Variants in HIP1R observed in about 807,000 individuals in gnomAD.
The protein encoded by HIP1R is huntingtin interacting protein 1 related.
A neutral mutation model predicts 144.2 loss-of-function variants in HIP1R; 135 were observed. The observed-to-expected ratio is 0.94, with a 90% CI of 0.81 to 1.08. HIP1R has a LOEUF of 1.08. HIP1R is among the 50% of genes least tolerant of loss of function. HIP1R has a pLI of 0.00. For synonymous variants in HIP1R, 698 were observed against 612.8 expected (o/e 1.14, Z -2.05); for missense variants, 1,462 against 1,432.8 (o/e 1.02, Z -0.33).
At chr12:122,854,819 T>G in intron 8 of HIP1R, 86 bp from the exon 9 acceptor site, 2 of 1,394,624 alleles carry the variant, frequency 1.4e-6, no homozygotes, top group Non-Finnish European at 1.0e-6. Flanking sequence ...ATCTGTGAGT[T>G]TGTAGCATAC....
chr12:122,860,423 G>A lies in HIP1R; in HGVS notation c.2560G>A (p.Gly854Arg), dbSNP rs2033734139. ...LQKEIVESGR[G>R]AATQQEFYAK... ...TGCCCTGTTCTCCCGTCGCCACTAGGGGGCAGCCACGCAGCAGGAATTTTA... is the reference window on the plus strand; with the variant it reads ...TGCCCTGTTCTCCCGTCGCCACTAGAGGGCAGCCACGCAGCAGGAATTTTA... Residue 854 changes from glycine to arginine, a missense_variant and splice_region_variant, in exon 27 of 32, where the codon GGG becomes AGG. Gly to Arg is a moderately radical substitution (Grantham distance 125). This residue lies in a region of HIP1R where 1,112 missense variants were observed against 1,011.7 expected (regional missense o/e 1.10). Coordinates refer to ENST00000253083, the MANE Select transcript of HIP1R (RefSeq NM_003959.3). 1.2e-6 allele frequency: 2 copies of A among 1,613,268 alleles called. No homozygotes were observed. Among genetic ancestry groups the A allele is most frequent in the Non-Finnish European group, 1.7e-6 (2 of 1,180,000 alleles).
intron 7 of HIP1R, chr12:122,853,815 G>T: frequency 2.2e-6 from 1 of 458,882 alleles, no homozygotes; most frequent in Non-Finnish European, 3.8e-6. Context: ...TGCTGAGCTG[G>T]GCTGGGAGCT....
In HIP1R at chr12:122,856,720, A is replaced by AG; in HGVS notation, c.1615dup (p.Glu539GlyfsTer257). ...GCGCGCAGGAGGCCCTGAGCCACAC[A>AG]GAGCAGGTGCATCTGGCTTTGATGA... On this transcript the variant is annotated frameshift_variant, in exon 17 of 32. Transcript: ENST00000253083. LOFTEE classifies it high-confidence loss of function. 1 of 1,572,872 alleles carries AG rather than the reference A, an allele frequency of 6.4e-7. No homozygotes were observed. Among genetic ancestry groups the AG allele is most frequent in the Non-Finnish European group, 8.6e-7 (1 of 1,159,462 alleles).
intron 1 of HIP1R, among the ~76,000 whole-genome samples, chr12:122,842,722 T>C (rs1425780982): frequency 1.8e-4 from 28 of 152,194 alleles, no homozygotes; most frequent in Non-Finnish European, 1.5e-5. Context: ...CCATCTGGAC[T>C]CCACATCAGG....
In HIP1R at chr12:122,860,543, G is replaced by A. The variant is rs2292139; in HGVS notation, c.2660+20G>A. The A allele has an allele frequency of 0.043, 68,208 of 1,585,262 alleles. 2,425 individuals are homozygous for A. Among genetic ancestry groups the A allele is most frequent in the East Asian group, 0.22 (9,894 of 44,740 alleles). ...GCTGGTGTAGGTTGCCCTGGGTGGG[G>A]GGGGGCAGGGGGCTGCTTCCTGCCA... On this transcript the variant is annotated intron_variant, in intron 27 of 31. Coordinates refer to ENST00000253083, the MANE Select transcript of HIP1R (RefSeq NM_003959.3).
intron 1 of HIP1R, among the ~76,000 whole-genome samples, chr12:122,845,203 G>T (rs2033174493): frequency 6.6e-6 from 1 of 152,234 alleles, no homozygotes; most frequent in Admixed American, 6.5e-5. Context: ...GTCAGCAGCA[G>T]ACGGGAGTAG....
At chr12:122,850,810 C>T (rs1277689728) in intron 5 of HIP1R, 25 bp from the exon 6 acceptor site, 6 of 1,593,884 alleles carry the variant, frequency 3.8e-6, no homozygotes, top group East Asian at 2.3e-5. Context: ...GTTCAGTGGC[C>T]GCTGGGTGGG....
At chr12:122,847,806 C>G (rs1433381776) in intron 1 of HIP1R, among the ~76,000 whole-genome samples, 2 of 152,144 alleles carry the variant, frequency 1.3e-5, no homozygotes, top group Non-Finnish European at 2.9e-5. Context: ...GTCCTTGTCC[C>G]CTGACTCCTG....
rs1333733214 is a variant in HIP1R at position 122,835,519 on chromosome 12, G to C, written c.-32G>C. 6 of 1,311,788 alleles carry C rather than the reference G, an allele frequency of 4.6e-6. No individual in the cohort carries two copies. Among genetic ancestry groups the C allele is most frequent in the Non-Finnish European group, 4.9e-6 (5 of 1,023,456 alleles). 81.3% of individuals were successfully genotyped at this position (1,311,788 alleles called of 1,614,324 possible). A position where few individuals can be genotyped will look rare whatever the true frequency, so the allele number is the denominator to read the frequency against. On this transcript the variant is annotated 5_prime_UTR_variant, in exon 1 of 32. Transcript: ENST00000253083. ...CCGTGAGGCTGTGAGTCGCGCGGAC[G>C]GAGCCGGACAAAAGCGGGCGGCGGC...
At chr12:122,855,746 C>A in intron 12 of HIP1R, 85 bp from the exon 13 acceptor site, 1 of 1,508,686 alleles carries the variant, frequency 6.6e-7, no homozygotes, top group Non-Finnish European at 9.0e-7. Context: ...TCCTGAGTGG[C>A]CACTGAGGAG....
chr12:122,854,794 C>A (rs2033511708), intron 8 of HIP1R, 111 bp from the exon 9 acceptor site: 3 of 1,175,972 alleles, frequency 2.6e-6, no homozygotes, highest in South Asian at 1.3e-5. Flanking sequence ...CTGGCCCGGT[C>A]TCAGGTGATC....
intron 1 of HIP1R, among the ~76,000 whole-genome samples, chr12:122,846,599 T>C (rs1255375098): frequency 6.6e-6 from 1 of 152,206 alleles, no homozygotes; most frequent in East Asian, 1.9e-4. Flanking sequence ...CCAGAGCCTC[T>C]GTGCATTTCC....
At chr12:122,859,638 C>T (rs1401049203) in intron 23 of HIP1R, 102 bp downstream of exon 23, 3 of 1,356,632 alleles carry the variant, frequency 2.2e-6, no homozygotes, top group Non-Finnish European at 3.1e-6. Context: ...TGCTCTCAGC[C>T]TCCAGACAGA....
At chr12:122,856,232 C>T (rs1396088760) in intron 14 of HIP1R, 24 bp from the exon 15 acceptor site, 2 of 1,612,856 alleles carry the variant, frequency 1.2e-6, no homozygotes, top group African/African-American at 1.3e-5. Flanking sequence ...CACGGGGCAT[C>T]ACTGCCCCTC....
At chr12:122,856,747 T>C (rs1473615898) in intron 17 of HIP1R, 21 bp downstream of exon 17, 1 of 1,545,172 alleles carries the variant, frequency 6.5e-7, no homozygotes, top group South Asian at 1.2e-5. Flanking sequence ...CTTTGATGAC[T>C]GGAGGTGGGG....
chr12:122,856,286 A>G lies in HIP1R; in HGVS notation c.1343A>G (p.Asn448Ser). 2 of 1,613,794 alleles carry G rather than the reference A, an allele frequency of 1.2e-6. No homozygotes were observed. Among genetic ancestry groups the G allele is most frequent in the South Asian group, 2.2e-5 (2 of 91,082 alleles). Reference sequence around the variant, plus strand: ...GCCAGTGCCACGGAGGCGCGCTACAACAAGCTGAAGGAAAAGCACAGTGAG... The same window carrying G: ...GCCAGTGCCACGGAGGCGCGCTACAGCAAGCTGAAGGAAAAGCACAGTGAG... ...RKASATEARY[N>S]KLKEKHSELV... The change falls in exon 15 of 32, where the codon AAC becomes AGC. Residue 448 changes from asparagine (N) to serine (S), a missense_variant. Around this residue, in one of 2 missense-constraint regions of HIP1R, gnomAD observed 1,112 missense variants for 1,011.7 expected, o/e 1.10. Coordinates refer to ENST00000253083, the MANE Select transcript of HIP1R (RefSeq NM_003959.3).
intron 15 of HIP1R, 29 bp downstream of exon 15, chr12:122,856,373 C>T (rs372529224): frequency 1.4e-5 from 22 of 1,612,450 alleles, no homozygotes; most frequent in African/African-American, 1.1e-4. Context: ...CCATCCCAGC[C>T]GGTGGCAGGG....
chr12:122,858,013 A>G (rs1407333896), intron 18 of HIP1R, 89 bp from the exon 19 acceptor site: 41 of 1,246,262 alleles, frequency 3.3e-5, no homozygotes, highest in Non-Finnish European at 3.9e-5. Context: ...CTGGGCTCCA[A>G]CTGGTGGCCC....
At position 122,848,518 on chromosome 12, in the gene HIP1R, C is replaced by T. The variant is rs2135014; in HGVS notation, c.210C>T (p.Tyr70=). 1,401,094 of 1,613,182 alleles carry T rather than the reference C, an allele frequency of 0.87. 610,909 individuals are homozygous for T. The highest frequency in any genetic ancestry group is 0.91 in the Admixed American group (54,919 of 60,024). ...AGGGGGCTTTCACCTTCTGGTCCTA[C>T]GCCATTGGGCTGCCGCTGCCCAGCA... ...HEKGAFTFWS[Y]AIGLPLPSSS... is the part of the protein sequence containing the mutation. Residue 70 remains tyrosine (Y), a synonymous_variant, in exon 3 of 32, where the codon TAC becomes TAT. Coordinates refer to ENST00000253083, the MANE Select transcript of HIP1R (RefSeq NM_003959.3).
Sources: allele counts gnomAD v4.1 joint callset (sites outside exome capture counted in the v4.1 genomes callset), GRCh38; gene constraint gnomAD v4.1.1; regional missense constraint gnomAD v4.1.1; transcripts MANE v1.5; gene names NCBI Gene and HGNC (gene_info 2026-07-23, HGNC 2026-07-21).